Variants in TXLNB observed in about 807,000 individuals in gnomAD.
The protein encoded by TXLNB is beta-taxilin.
A neutral mutation model predicts 57.4 loss-of-function variants in TXLNB; 37 were observed. The ratio of observed to expected loss-of-function variants is 0.64; its 90% CI spans 0.50 to 0.85. The LOEUF (loss-of-function observed/expected upper bound fraction) is 0.85. Ranked by LOEUF, TXLNB falls within the 40% of genes least tolerant of loss-of-function variation. The probability of loss-of-function intolerance (pLI) is 0.00; values close to 1 mark genes in which losing one functional copy is unlikely to be tolerated. For synonymous variants in TXLNB, 302 were observed against 309.6 expected, an observed-to-expected ratio of 0.98 and a Z score of 0.26; for missense variants, 848 against 825.6, an observed-to-expected ratio of 1.03 and a Z score of -0.33.
At chr6:139,186,572 A>T in the TXLNB span, among the ~76,000 whole-genome samples, 1 of 152,304 alleles carries the variant, frequency 6.6e-6, no homozygotes, top group Admixed American at 6.5e-5. Flanking sequence ...GTTTTCTTAA[A>T]AAGTTAAACA....
At chr6:139,217,408 T>C in the TXLNB span, among the ~76,000 whole-genome samples, 2 of 152,170 alleles carry the variant, frequency 1.3e-5, no homozygotes, top group African/African-American at 2.4e-5. Context: ...ATATGACAAC[T>C]GAATATTTAT....
chr6:139,195,659 A>G, the TXLNB span, among the ~76,000 whole-genome samples: 1 of 152,238 alleles, frequency 6.6e-6, no homozygotes, highest in Admixed American at 6.5e-5. Context: ...AAGTTAAACC[A>G]CAAAACTGAA....
chr6:139,202,205 C>G, the TXLNB span, among the ~76,000 whole-genome samples: 1 of 152,150 alleles, frequency 6.6e-6, no homozygotes, highest in African/African-American at 2.4e-5. Flanking sequence ...TTCTACTGGA[C>G]TAACCAAGAA....
the TXLNB span, among the ~76,000 whole-genome samples, chr6:139,223,974 G>C: frequency 0.73 from 104,177 of 143,072 alleles, 38,106 homozygotes; most frequent in East Asian, 0.83. Context: ...ATAAATCATG[G>C]TGCTATAAAG....
rs116490525 is a variant in TXLNB at position 139,249,060 on chromosome 6, T to C, written c.1078-1151A>G. 4.3e-3 allele frequency among the ~76,000 whole-genome samples: 656 copies of C among 152,376 alleles called. 4 individuals are homozygous for C. The highest frequency in any genetic ancestry group is 0.015 in the African/African-American group (628 of 41,588). On this transcript the variant is annotated intron_variant, in intron 7 of 9. Transcript: ENST00000358430. ...GTCTTGAAAAAGAGATGCCTTTTTC[T>C]AATTTGCAGAGAAGCATTGTATGGG...
upstream of TXLNB, among the ~76,000 whole-genome samples, chr6:139,296,466 A>ATC (rs577623360): frequency 3.9e-3 from 587 of 152,144 alleles, 2 homozygotes; most frequent in Non-Finnish European, 5.2e-3. Context: ...TGGCATCTTT[A>ATC]TCATGATGTT....
intron 3 of TXLNB, among the ~76,000 whole-genome samples, chr6:139,271,142 G>A (rs1428337162): frequency 6.6e-6 from 1 of 151,942 alleles, no homozygotes; most frequent in Non-Finnish European, 1.5e-5. Context: ...TTATAATGTT[G>A]GGCTCTGAGT....
chr6:139,299,548 C>A, the TXLNB span, among the ~76,000 whole-genome samples: 1 of 152,284 alleles, frequency 6.6e-6, no homozygotes, highest in East Asian at 1.9e-4. Flanking sequence ...TCTTCTCATT[C>A]CTCCTTGTCC....
intron 2 of TXLNB, among the ~76,000 whole-genome samples, chr6:139,284,461 G>C (rs1040280851): frequency 6.9e-6 from 1 of 145,270 alleles, no homozygotes; most frequent in African/African-American, 2.5e-5. Flanking sequence ...TAGGGAGCTG[G>C]AGGTTGTAGT....
upstream of TXLNB, among the ~76,000 whole-genome samples, chr6:139,296,693 G>A (rs1418822726): frequency 6.6e-6 from 1 of 152,062 alleles, no homozygotes; most frequent in Non-Finnish European, 1.5e-5. Flanking sequence ...ATCCTGAAAG[G>A]GGCTTGATTT....
At chr6:139,252,370 G>T (rs1248580960) in intron 7 of TXLNB, among the ~76,000 whole-genome samples, 1 of 152,184 alleles carries the variant, frequency 6.6e-6, no homozygotes, top group African/African-American at 2.4e-5. Flanking sequence ...AGAAGTTTTA[G>T]AAATATAATG....
At chr6:139,286,489 A>G (rs35162889) in intron 2 of TXLNB, among the ~76,000 whole-genome samples, 52,258 of 150,464 alleles carry the variant, frequency 0.35, 10,283 homozygotes, top group African/African-American at 0.55. Context: ...GAAACAGACT[A>G]TCTGGGAGAG....
At chr6:139,205,837 G>C in the TXLNB span, among the ~76,000 whole-genome samples, 2 of 152,128 alleles carry the variant, frequency 1.3e-5, no homozygotes, top group African/African-American at 4.8e-5. Flanking sequence ...TCCTGGAAAA[G>C]TCATCACCAG....
chr6:139,193,904 C>T, the TXLNB span, among the ~76,000 whole-genome samples: 7 of 138,890 alleles, frequency 5.0e-5, no homozygotes, highest in Middle Eastern at 3.9e-3. Flanking sequence ...TGCAGTGGCG[C>T]GATCTCGGCT....
the TXLNB span, among the ~76,000 whole-genome samples, chr6:139,190,305 CTTTCTT>C: frequency 3.7e-5 from 4 of 108,914 alleles, no homozygotes; most frequent in South Asian, 2.8e-4. Context: ...TTCTTTCTTT[CTTTCTT>C]TTTTTTTTTT....
intron 2 of TXLNB, among the ~76,000 whole-genome samples, chr6:139,284,483 G>T (rs965854175): frequency 6.9e-6 from 1 of 145,090 alleles, no homozygotes; most frequent in African/African-American, 2.5e-5. Context: ...AGCCGAAATC[G>T]CGCCACTGCA....
At chr6:139,262,450 A>G in intron 5 of TXLNB, 129 bp downstream of exon 5, 1 of 753,852 alleles carries the variant, frequency 1.3e-6, no homozygotes, top group African/African-American at 1.8e-5. Flanking sequence ...TGGCTCGTCA[A>G]GGAAATCCAA....
the TXLNB span, among the ~76,000 whole-genome samples, chr6:139,195,643 A>T: frequency 6.6e-6 from 1 of 152,238 alleles, no homozygotes; most frequent in Non-Finnish European, 1.5e-5. Context: ...ATTCTATCAC[A>T]TTAAAAAGTT....
the TXLNB span, among the ~76,000 whole-genome samples, chr6:139,213,347 G>A: frequency 6.6e-6 from 1 of 152,130 alleles, no homozygotes; most frequent in Non-Finnish European, 1.5e-5. Flanking sequence ...TCAACTACAT[G>A]GAAACTGAAC....
Sources: allele counts gnomAD v4.1 joint callset (sites outside exome capture counted in the v4.1 genomes callset), GRCh38; gene constraint gnomAD v4.1.1; transcripts MANE v1.5; gene names NCBI Gene and HGNC (gene_info 2026-07-23, HGNC 2026-07-21).